Variants in NTRK2 observed in about 807,000 individuals in gnomAD.
The protein encoded by NTRK2 is BDNF/NT-3 growth factors receptor.
A neutral mutation model predicts 94.5 loss-of-function variants in NTRK2; 13 were observed. The ratio of observed to expected loss-of-function variants is 0.14; its 90% CI spans 0.09 to 0.22. The LOEUF is 0.22. NTRK2 is among the 10% of genes least tolerant of loss of function. The pLI is 1.00. For synonymous variants in NTRK2, 372 were observed against 407.4 expected (o/e 0.91, Z 1.05); for missense variants, 639 against 1,071.2 (o/e 0.60, Z 5.63).
At chr9:84,910,692 T>C (rs934669522) in intron 14 of NTRK2, among the ~76,000 whole-genome samples, 2 of 152,192 alleles carry the variant, frequency 1.3e-5, no homozygotes, top group African/African-American at 4.8e-5. Context: ...TCTGGGCATA[T>C]CTGTCTGAGT....
At chr9:84,749,002 G>T (rs1453325368) in intron 11 of NTRK2, among the ~76,000 whole-genome samples, 3 of 152,196 alleles carry the variant, frequency 2.0e-5, no homozygotes, top group Non-Finnish European at 4.4e-5. Flanking sequence ...GCTGAGGCAG[G>T]CGGATCACCT....
chr9:84,859,169 G>A (rs1447390125), intron 12 of NTRK2, among the ~76,000 whole-genome samples: 1 of 152,162 alleles, frequency 6.6e-6, no homozygotes, highest in Non-Finnish European at 1.5e-5. Flanking sequence ...GGAGAAGCGG[G>A]GTGTGAATGG....
At chr9:84,972,032 A>G (rs950477412) in intron 17 of NTRK2, among the ~76,000 whole-genome samples, 1 of 152,216 alleles carries the variant, frequency 6.6e-6, no homozygotes. Context: ...ATTTTAAGTC[A>G]TCTGTATTTC....
chr9:84,876,321 A>T (rs1488641699), intron 14 of NTRK2: 22 of 1,047,490 alleles, frequency 2.1e-5, no homozygotes, highest in Non-Finnish European at 2.4e-5. Flanking sequence ...GTCTGCTTAT[A>T]AAATAAGCAG....
At chr9:84,701,501 T>C (rs2060717112) in intron 2 of NTRK2, among the ~76,000 whole-genome samples, 1 of 152,162 alleles carries the variant, frequency 6.6e-6, no homozygotes, top group Admixed American at 6.5e-5. Context: ...GTTTTCTCTC[T>C]ATTCACCCCT....
chr9:84,747,125 A>G (rs1198822270), intron 11 of NTRK2, among the ~76,000 whole-genome samples: 2 of 152,148 alleles, frequency 1.3e-5, no homozygotes, highest in Non-Finnish European at 2.9e-5. Context: ...CAAGGCCACA[A>G]GAGTGGAAAT....
At chr9:84,889,055 A>C (rs1239657119) in intron 14 of NTRK2, among the ~76,000 whole-genome samples, 3 of 123,924 alleles carry the variant, frequency 2.4e-5, no homozygotes, top group Non-Finnish European at 4.7e-5. Context: ...CAGTGGCGCG[A>C]TCTCGGCTCA....
intron 2 of NTRK2, among the ~76,000 whole-genome samples, chr9:84,679,045 G>A (rs2059234043): frequency 6.6e-6 from 1 of 152,164 alleles, no homozygotes; most frequent in African/African-American, 2.4e-5. Flanking sequence ...TGTCCTTCCT[G>A]CCATGTGAGG....
chr9:84,842,830 G>A (rs1335220059), intron 12 of NTRK2, among the ~76,000 whole-genome samples: 8 of 152,200 alleles, frequency 5.3e-5, no homozygotes, highest in Non-Finnish European at 1.5e-5. Flanking sequence ...CAATGCAAAG[G>A]CCTTAGAAGA....
At chr9:84,686,556 C>A (rs1294363820) in intron 2 of NTRK2, among the ~76,000 whole-genome samples, 4 of 152,168 alleles carry the variant, frequency 2.6e-5, no homozygotes, top group Non-Finnish European at 5.9e-5. Context: ...TGTGAGATTT[C>A]GGATGTGATT....
chr9:84,885,012 G>A (rs1283418002), intron 14 of NTRK2, among the ~76,000 whole-genome samples: 1 of 152,176 alleles, frequency 6.6e-6, no homozygotes, highest in Non-Finnish European at 1.5e-5. Context: ...ATAGTCAGGA[G>A]GCAAGGAAAC....
chr9:84,888,480 G>A (rs2076484194), intron 14 of NTRK2, among the ~76,000 whole-genome samples: 1 of 151,564 alleles, frequency 6.6e-6, no homozygotes, highest in Non-Finnish European at 1.5e-5. Flanking sequence ...GGGCATGGTG[G>A]CAGGCACCTG....
intron 16 of NTRK2, among the ~76,000 whole-genome samples, chr9:84,951,580 A>G (rs761723885): frequency 2.6e-5 from 4 of 151,844 alleles, no homozygotes; most frequent in Non-Finnish European, 5.9e-5. Context: ...TGACTCTTTC[A>G]CTTTCTCACT....
At chr9:85,006,609 C>A (rs1225404739) in intron 17 of NTRK2, among the ~76,000 whole-genome samples, 2 of 152,132 alleles carry the variant, frequency 1.3e-5, no homozygotes, top group African/African-American at 2.4e-5. Flanking sequence ...AAGAAAGACA[C>A]CCCTGGGGAC....
intron 2 of NTRK2, among the ~76,000 whole-genome samples, chr9:84,685,811 C>G (rs1174578020): frequency 6.6e-6 from 1 of 152,222 alleles, no homozygotes; most frequent in Non-Finnish European, 1.5e-5. Context: ...ACTACATGCT[C>G]TTATAGCCCC....
intron 12 of NTRK2, among the ~76,000 whole-genome samples, chr9:84,805,729 C>A (rs2071033345): frequency 6.6e-6 from 1 of 152,188 alleles, no homozygotes; most frequent in South Asian, 2.1e-4. Flanking sequence ...ATAATTGGGT[C>A]ATGAGGCCTC....
intron 7 of NTRK2, 80 bp from the exon 8 acceptor site, chr9:84,724,144 T>G: frequency 6.8e-7 from 1 of 1,474,600 alleles, no homozygotes; most frequent in Admixed American, 1.7e-5. Flanking sequence ...TTTTCTCTAG[T>G]TAGGGGAAGA....
At chr9:84,705,782 C>CTTTTT (rs36124860) in intron 4 of NTRK2, among the ~76,000 whole-genome samples, 8 of 109,574 alleles carry the variant, frequency 7.3e-5, no homozygotes, top group Admixed American at 1.1e-4. Flanking sequence ...GAAACCCATT[C>CTTTTT]TTTTTTTTTT....
intron 6 of NTRK2, among the ~76,000 whole-genome samples, chr9:84,718,304 C>G (rs1051986834): frequency 6.6e-6 from 1 of 152,112 alleles, no homozygotes; most frequent in Non-Finnish European, 1.5e-5. Flanking sequence ...AATGCAAATT[C>G]TTAAGCCCCA....
Sources: allele counts gnomAD v4.1 joint callset (sites outside exome capture counted in the v4.1 genomes callset), GRCh38; gene constraint gnomAD v4.1.1; transcripts MANE v1.5; gene names NCBI Gene and HGNC (gene_info 2026-07-23, HGNC 2026-07-21).